The following MAP3K1 variants were observed in gnomAD, a reference collection of about 807,000 sequenced individuals.
The protein encoded by MAP3K1 is MAP/ERK kinase kinase 1.
A neutral mutation model predicts 144.2 loss-of-function variants in MAP3K1; 36 were observed. The observed-to-expected ratio is 0.25, with a 90% CI of 0.19 to 0.33. The LOEUF is 0.33. Ranked by LOEUF, MAP3K1 falls within the 10% of genes least tolerant of loss-of-function variation. MAP3K1 has a pLI of 1.00. For synonymous variants in MAP3K1, 718 were observed against 688.7 expected (o/e 1.04, Z -0.67); for missense variants, 1,650 against 1,881.9 (o/e 0.88, Z 2.28).
chr5:56,854,577 TAAAAGA>T (rs1246903368), intron 1 of MAP3K1, among the ~76,000 whole-genome samples: 2 of 152,118 alleles, frequency 1.3e-5, no homozygotes, highest in East Asian at 3.8e-4. Flanking sequence ...TTATTTATGA[TAAAAGA>T]AATTGGTCTA....
intron 11 of MAP3K1, among the ~76,000 whole-genome samples, chr5:56,879,877 T>C (rs1355118358): frequency 6.6e-6 from 1 of 152,216 alleles, no homozygotes; most frequent in Non-Finnish European, 1.5e-5. Context: ...TGTTGCCTCT[T>C]CCATTTCACC....
At chr5:56,864,301 T>C (rs1311479081) in intron 3 of MAP3K1, among the ~76,000 whole-genome samples, 13 of 152,118 alleles carry the variant, frequency 8.5e-5, no homozygotes, top group Admixed American at 8.5e-4. Flanking sequence ...TGTTCCATAA[T>C]ATTTTAAATC....
intron 1 of MAP3K1, among the ~76,000 whole-genome samples, chr5:56,818,937 C>T (rs1305418217): frequency 6.6e-6 from 1 of 152,054 alleles, no homozygotes; most frequent in Non-Finnish European, 1.5e-5. Flanking sequence ...ATTTAGTGAC[C>T]TTTTACTAAA....
chr5:56,845,890 C>T (rs1308575463), intron 1 of MAP3K1, among the ~76,000 whole-genome samples: 1 of 152,200 alleles, frequency 6.6e-6, no homozygotes, highest in Non-Finnish European at 1.5e-5. Context: ...TAAACTCCCT[C>T]TGTTGGGTGC....
intron 1 of MAP3K1, among the ~76,000 whole-genome samples, chr5:56,855,133 C>T (rs1463975341): frequency 2.6e-5 from 4 of 151,808 alleles, no homozygotes; most frequent in Non-Finnish European, 5.9e-5. Context: ...TTTTCTCCTC[C>T]TCCTTTCTTC....
intron 1 of MAP3K1, chr5:56,817,161 C>T (rs1746003800): frequency 1.1e-6 from 1 of 946,592 alleles, no homozygotes; most frequent in Admixed American, 6.2e-5. Flanking sequence ...TTTTTGGCTA[C>T]TGGAAATTTT....
chr5:56,841,783 GGTT>G (rs1236880754), intron 1 of MAP3K1, among the ~76,000 whole-genome samples: 3 of 152,122 alleles, frequency 2.0e-5, no homozygotes, highest in African/African-American at 4.8e-5. Flanking sequence ...GTTCCAAAAA[GGTT>G]GTGAATTTCT....
chr5:56,859,474 G>C (rs1425550380), intron 2 of MAP3K1, among the ~76,000 whole-genome samples: 1 of 152,154 alleles, frequency 6.6e-6, no homozygotes, highest in African/African-American at 2.4e-5. Flanking sequence ...TTACAAAATT[G>C]TAAGGGAGGA....
chr5:56,818,038 C>T (rs956478794), intron 1 of MAP3K1, among the ~76,000 whole-genome samples: 4 of 152,044 alleles, frequency 2.6e-5, no homozygotes, highest in Admixed American at 2.0e-4. Flanking sequence ...TAAGGATAAT[C>T]TTTTTTAAAG....
chr5:56,891,709 T>G (rs981302760), intron 19 of MAP3K1, among the ~76,000 whole-genome samples: 1 of 152,086 alleles, frequency 6.6e-6, no homozygotes, highest in South Asian at 2.1e-4. Context: ...TTGAATTTTT[T>G]TATAAGGTGT....
rs1270705278 is a variant in MAP3K1, at chr5:56,884,768, G to A, written c.3924G>A (p.Arg1308=). ...ATCTGAATCATCCAAACATCATTAG[G>A]ATGTTGGGAGCCACGTGTGAGAAGA... ...MSHLNHPNII[R]MLGATCEKSN... is the part of the protein sequence containing the mutation. Residue 1308 remains arginine, a synonymous_variant, in exon 16 of 20, where the codon AGG becomes AGA. Transcript: ENST00000399503. 6.2e-7 allele frequency: 1 copy of A among 1,613,780 alleles called. No individual in the cohort carries two copies. The highest frequency in any genetic ancestry group is 8.5e-7 in the Non-Finnish European group (1 of 1,179,780).
chr5:56,868,479 G>T (rs1334614166), intron 6 of MAP3K1, among the ~76,000 whole-genome samples: 2 of 152,022 alleles, frequency 1.3e-5, no homozygotes, highest in Admixed American at 6.6e-5. Context: ...CTGCCTCCCG[G>T]GTTCATGCCA....
At position 56,875,221 on chromosome 5, in the gene MAP3K1, A is replaced by G. The variant is rs770127135; in HGVS notation, c.1876A>G (p.Ser626Gly). 6.2e-7 allele frequency: 1 copy of G among 1,614,180 alleles called. No homozygotes were observed. The highest frequency in any genetic ancestry group is 8.5e-7 in the Non-Finnish European group (1 of 1,180,032). The change falls in exon 10 of 20, where the codon AGT becomes GGT. Residue 626 changes from serine to glycine, a missense_variant. By Grantham distance (56) the Ser-to-Gly change is moderately conservative (BLOSUM62 0). Transcript: ENST00000399503. ...GGATSGSSQTSISGDVVEACC... is the reference protein window; with the variant it reads ...GGATSGSSQTGISGDVVEACC... ...AGCCACCAGTGGGTCTTCCCAGACC[A>G]GTATCTCAGGAGATGTGGTGGAGGC...
intron 1 of MAP3K1, among the ~76,000 whole-genome samples, chr5:56,818,603 T>C (rs1208856833): frequency 6.6e-6 from 1 of 152,210 alleles, no homozygotes; most frequent in African/African-American, 2.4e-5. Flanking sequence ...TGCCTGTAAG[T>C]GGCGCCCAAG....
chr5:56,879,557 A>G (rs73759251), intron 11 of MAP3K1, among the ~76,000 whole-genome samples: 5,984 of 116,636 alleles, frequency 0.051, 414 homozygotes, highest in African/African-American at 0.15. Flanking sequence ...TACTTATGAC[A>G]GTTTTGTCAA....
intron 1 of MAP3K1, among the ~76,000 whole-genome samples, chr5:56,842,414 A>G (rs1746842216): frequency 6.6e-6 from 1 of 152,246 alleles, no homozygotes. Context: ...TCATCTGCCC[A>G]ATGAAGATGA....
intron 1 of MAP3K1, among the ~76,000 whole-genome samples, chr5:56,826,287 C>T (rs1456679354): frequency 1.3e-5 from 2 of 152,102 alleles, no homozygotes; most frequent in Non-Finnish European, 2.9e-5. Context: ...GTGAATTCTG[C>T]CGAGCTCTGG....
chr5:56,828,661 G>T (rs967976957), intron 1 of MAP3K1, among the ~76,000 whole-genome samples: 1 of 152,164 alleles, frequency 6.6e-6, no homozygotes, highest in African/African-American at 2.4e-5. Context: ...TTAGGTCAAA[G>T]TCATTAGCAT....
intron 1 of MAP3K1, among the ~76,000 whole-genome samples, chr5:56,829,244 T>A (rs971757834): frequency 6.6e-6 from 1 of 151,640 alleles, no homozygotes; most frequent in East Asian, 1.9e-4. Context: ...TGCAGTGACA[T>A]GATCATGACT....
Sources: allele counts gnomAD v4.1 joint callset (sites outside exome capture counted in the v4.1 genomes callset), GRCh38; gene constraint gnomAD v4.1.1; transcripts MANE v1.5; gene names NCBI Gene and HGNC (gene_info 2026-07-23, HGNC 2026-07-21).